The following NRG3 variants were observed in gnomAD, a reference collection of about 807,000 sequenced individuals.
NRG3 encodes neuregulin 3, also known as pro-neuregulin-3, membrane-bound isoform.
NRG3 carries 31 observed loss-of-function variants against 66.9 expected under a neutral mutation model. The observed-to-expected ratio is 0.46, with a 90% CI of 0.35 to 0.63. NRG3 has a LOEUF of 0.63. Ranked by LOEUF, NRG3 falls within the 20% of genes least tolerant of loss-of-function variation. NRG3 has a pLI of 0.00. For synonymous variants in NRG3, 393 were observed against 359.4 expected (o/e 1.09, Z -1.06); for missense variants, 910 against 878.9 (o/e 1.04, Z -0.45).
chr10:82,274,588 A>T (rs1279593604), intron 1 of NRG3, among the ~76,000 whole-genome samples: 2 of 152,088 alleles, frequency 1.3e-5, no homozygotes, highest in Non-Finnish European at 2.9e-5. Flanking sequence ...GTCAAAATTT[A>T]AGAAACATTT....
chr10:82,013,846 A>T (rs1471038700), intron 1 of NRG3, among the ~76,000 whole-genome samples: 2 of 152,192 alleles, frequency 1.3e-5, no homozygotes, highest in African/African-American at 4.8e-5. Flanking sequence ...AAAGAACAAA[A>T]ATAATGACAA....
At chr10:82,246,460 AC>A (rs2134051242) in intron 1 of NRG3, among the ~76,000 whole-genome samples, 1 of 152,336 alleles carries the variant, frequency 6.6e-6, no homozygotes, top group South Asian at 2.1e-4. Flanking sequence ...TAGAGAAAAC[AC>A]GAAGGATGAA....
chr10:81,957,278 A>G (rs1367013230), intron 1 of NRG3, among the ~76,000 whole-genome samples: 1 of 152,098 alleles, frequency 6.6e-6, no homozygotes, highest in Non-Finnish European at 1.5e-5. Context: ...GGCTACTGAA[A>G]TTTTAGAGCT....
chr10:82,956,922 G>A (rs1850103569), intron 5 of NRG3, among the ~76,000 whole-genome samples: 1 of 151,942 alleles, frequency 6.6e-6, no homozygotes, highest in South Asian at 2.1e-4. Flanking sequence ...AGAGATAAAA[G>A]TCTCCCAAAT....
intron 4 of NRG3, among the ~76,000 whole-genome samples, chr10:82,909,317 C>T (rs1018461963): frequency 6.6e-6 from 1 of 152,158 alleles, no homozygotes; most frequent in Non-Finnish European, 1.5e-5. Flanking sequence ...TTCACACAGG[C>T]ATTCTGAAGA....
At chr10:82,821,209 C>T (rs1013071154) in intron 3 of NRG3, among the ~76,000 whole-genome samples, 2 of 152,148 alleles carry the variant, frequency 1.3e-5, no homozygotes, top group African/African-American at 2.4e-5. Context: ...TGTGGCATCA[C>T]GTTGTCCCTC....
In NRG3 at chr10:82,275,975, G is replaced by A. The variant is rs529109077; in HGVS notation, c.824-82764G>A. ...TTTAATATGCAAATATTCTGCAAAT[G>A]TCAGTAACTGAAGGAAGGAGATAAA... On this transcript the variant is annotated intron_variant, in intron 1 of 8. Coordinates refer to ENST00000372141, the MANE Select transcript of NRG3 (RefSeq NM_001010848.4). Among the ~76,000 whole-genome samples the A allele has an allele frequency of 3.3e-5, 5 of 152,026 alleles. No individual in the cohort carries two copies. In the South Asian group the frequency reaches 1.0e-3, roughly 32 times the overall value.
chr10:82,473,475 CAACA>C (rs1014963152), intron 2 of NRG3, among the ~76,000 whole-genome samples: 1 of 151,992 alleles, frequency 6.6e-6, no homozygotes, highest in Non-Finnish European at 1.5e-5. Flanking sequence ...ACAAACAAAC[CAACA>C]AACAAACAAA....
intron 2 of NRG3, among the ~76,000 whole-genome samples, chr10:82,376,666 T>C (rs1181984020): frequency 6.6e-6 from 1 of 152,210 alleles, no homozygotes. Context: ...TATTTCCCCA[T>C]GGCTACATGG....
chr10:82,690,244 T>C (rs1394360493), intron 2 of NRG3, among the ~76,000 whole-genome samples: 1 of 151,134 alleles, frequency 6.6e-6, no homozygotes, highest in Non-Finnish European at 1.5e-5. Flanking sequence ...TAAATTTCAA[T>C]AGAGTGTTTT....
chr10:82,303,544 A>G (rs2080535238), intron 1 of NRG3, among the ~76,000 whole-genome samples: 1 of 152,194 alleles, frequency 6.6e-6, no homozygotes, highest in Admixed American at 6.5e-5. Context: ...AAAACACTTA[A>G]ACACTGTTAA....
rs556602115 is a variant in NRG3 at position 82,316,260 on chromosome 10, C to T, written c.824-42479C>T. On this transcript the variant is annotated intron_variant, in intron 1 of 8. Transcript: ENST00000372141. The stretch of plus-strand genomic sequence containing the variant: ...ATATTCAAAACACTCCTATAACTAA[C>T]GTAAGATTATAGCAATCAATGTGCT... Among the ~76,000 whole-genome samples the T allele has an allele frequency of 1.1e-4, 17 of 152,250 alleles. No homozygotes were observed. In the South Asian group the frequency reaches 1.2e-3, roughly 11 times the overall value.
chr10:82,269,143 A>T (rs1036403905), intron 1 of NRG3, among the ~76,000 whole-genome samples: 2 of 151,864 alleles, frequency 1.3e-5, no homozygotes, highest in African/African-American at 4.8e-5. Context: ...TCCCTTCTTA[A>T]TTTTTCTCTG....
chr10:82,253,671 C>T (rs867070676), intron 1 of NRG3, among the ~76,000 whole-genome samples: 1 of 152,334 alleles, frequency 6.6e-6, no homozygotes, highest in Middle Eastern at 3.4e-3. Flanking sequence ...TCATTCACCA[C>T]ACATAAGTCA....
intron 1 of NRG3, among the ~76,000 whole-genome samples, chr10:82,215,536 G>A (rs1372667535): frequency 6.6e-6 from 1 of 152,080 alleles, no homozygotes; most frequent in Non-Finnish European, 1.5e-5. Flanking sequence ...ATGAATTTTA[G>A]ACAGTTTTCT....
At chr10:82,799,449 C>T (rs1277746261) in intron 3 of NRG3, among the ~76,000 whole-genome samples, 1 of 146,988 alleles carries the variant, frequency 6.8e-6, no homozygotes, top group African/African-American at 2.6e-5. Context: ...TCACTTGAAC[C>T]GGGGAGTCAG....
At position 82,816,760 on chromosome 10, in the gene NRG3, TG is replaced by T. The variant is rs1269622452; in HGVS notation, c.1028-48647del. 2.0e-5 allele frequency among the ~76,000 whole-genome samples: 3 copies of T among 152,134 alleles called. No homozygotes were observed. In the East Asian group the frequency reaches 5.8e-4, roughly 29 times the overall value. The stretch of plus-strand genomic sequence containing the variant: ...TCAGCAGCCCCAACTCAGAAGGAGG[TG>T]GGGCTCCCAGCTGTTCCAGGCTCCC... On this transcript the variant is annotated intron_variant, in intron 3 of 8. Transcript: ENST00000372141.
chr10:82,581,781 A>C (rs1050059767), intron 2 of NRG3, among the ~76,000 whole-genome samples: 1 of 151,876 alleles, frequency 6.6e-6, no homozygotes, highest in Non-Finnish European at 1.5e-5. Context: ...TTTGGAAAAA[A>C]CTTCTTCCCA....
At chr10:81,985,681 C>T (rs774861973) in intron 1 of NRG3, among the ~76,000 whole-genome samples, 6 of 152,266 alleles carry the variant, frequency 3.9e-5, no homozygotes, top group South Asian at 4.1e-4. Context: ...TTGTGAGTAA[C>T]GCAGATACTT....
Sources: allele counts gnomAD v4.1 joint callset (sites outside exome capture counted in the v4.1 genomes callset), GRCh38; gene constraint gnomAD v4.1.1; transcripts MANE v1.5; gene names NCBI Gene and HGNC (gene_info 2026-07-23, HGNC 2026-07-21).